Variants in ASIC2 observed in about 807,000 individuals in gnomAD.
ASIC2 encodes acid-sensing ion channel 2.
ASIC2 carries 25 observed loss-of-function variants against 57.3 expected under a neutral mutation model. That is an observed-to-expected ratio of 0.44 (90% CI 0.32 to 0.61). The LOEUF is 0.61. Among genes scored for constraint, ASIC2 ranks in the 20% least tolerant of loss-of-function variants. The pLI is 0.06. For synonymous variants in ASIC2, 319 were observed against 307.5 expected, an observed-to-expected ratio of 1.04 and a Z score of -0.39; for missense variants, 641 against 738.1, an observed-to-expected ratio of 0.87 and a Z score of 1.52.
intron 1 of ASIC2, among the ~76,000 whole-genome samples, chr17:33,397,723 A>C (rs1340527521): frequency 5.3e-5 from 8 of 152,198 alleles, no homozygotes; most frequent in Admixed American, 4.6e-4. Context: ...TCACCCCATC[A>C]GCAAAAGGTC....
At position 33,579,570 on chromosome 17, in the gene ASIC2, G is replaced by C. The variant is rs190321289; in HGVS notation, c.556-467503C>G. On this transcript the variant is annotated intron_variant, in intron 1 of 9. Coordinates refer to the ASIC2 transcript ENST00000359872. ...AAGAATGAAAGGGCAGACCCTACTG[G>C]TGAGTGTTACAGCTCTTAAAGATGG... is the stretch of plus-strand genomic sequence containing the variant. Among the ~76,000 whole-genome samples the C allele has an allele frequency of 2.1e-3, 319 of 152,238 alleles. 1 individual carries two copies. Among genetic ancestry groups the C allele is most frequent in the Middle Eastern group, 3.4e-3 (1 of 294 alleles).
chr17:33,963,599 T>C (rs375641784), intron 1 of ASIC2, among the ~76,000 whole-genome samples: 1 of 151,924 alleles, frequency 6.6e-6, no homozygotes, highest in Non-Finnish European at 1.5e-5. Flanking sequence ...GTGCTTAAAT[T>C]ATGTTATTGT....
intron 1 of ASIC2, among the ~76,000 whole-genome samples, chr17:34,094,624 A>C (rs1301799211): frequency 1.3e-5 from 2 of 152,212 alleles, no homozygotes; most frequent in African/African-American, 2.4e-5. Context: ...GGAGATCATG[A>C]AGCAATTGCT....
At chr17:33,132,596 T>C (rs1386567342) in intron 1 of ASIC2, among the ~76,000 whole-genome samples, 1 of 152,218 alleles carries the variant, frequency 6.6e-6, no homozygotes, top group African/African-American at 2.4e-5. Flanking sequence ...TACATACAGA[T>C]GCATGTGCGC....
chr17:33,463,900 T>C (rs1342878123), intron 1 of ASIC2, among the ~76,000 whole-genome samples: 2 of 152,208 alleles, frequency 1.3e-5, no homozygotes, highest in African/African-American at 4.8e-5. Context: ...GTACAGCACC[T>C]GGCACATAGG....
At chr17:33,462,267 C>T (rs1912662502) in intron 1 of ASIC2, among the ~76,000 whole-genome samples, 1 of 152,190 alleles carries the variant, frequency 6.6e-6, no homozygotes, top group African/African-American at 2.4e-5. Context: ...TTTAGCTGGG[C>T]CCAGTGACCA....
At chr17:34,076,386 C>T (rs1909654617) in intron 1 of ASIC2, among the ~76,000 whole-genome samples, 1 of 152,126 alleles carries the variant, frequency 6.6e-6, no homozygotes, top group South Asian at 2.1e-4. Flanking sequence ...GCCCTCTTCA[C>T]TCACTAGCAC....
chr17:33,310,961 C>G (rs1248951193), intron 1 of ASIC2, among the ~76,000 whole-genome samples: 2 of 152,140 alleles, frequency 1.3e-5, no homozygotes, highest in Admixed American at 1.3e-4. Context: ...AATCACAAAG[C>G]CTGATTTTAC....
chr17:33,665,428 G>A (rs1234678404), intron 1 of ASIC2, among the ~76,000 whole-genome samples: 2 of 152,124 alleles, frequency 1.3e-5, no homozygotes, highest in Non-Finnish European at 2.9e-5. Flanking sequence ...GGTAGGAATG[G>A]CGTACCCATG....
chr17:34,031,107 C>A (rs1364981596), intron 1 of ASIC2, among the ~76,000 whole-genome samples: 3 of 152,140 alleles, frequency 2.0e-5, no homozygotes, highest in Non-Finnish European at 4.4e-5. Flanking sequence ...CTGGGAGGCA[C>A]CCCCCAGTAG....
chr17:33,800,073 G>T (rs1912087254), intron 1 of ASIC2, among the ~76,000 whole-genome samples: 1 of 152,104 alleles, frequency 6.6e-6, no homozygotes. Flanking sequence ...TATGACCTTA[G>T]CTGGTCCTCC....
chr17:33,122,352 T>C (rs2092305852), intron 1 of ASIC2, among the ~76,000 whole-genome samples: 1 of 152,084 alleles, frequency 6.6e-6, no homozygotes, highest in African/African-American at 2.4e-5. Context: ...CGATCACCCA[T>C]GACATGATGG....
chr17:34,045,828 C>T lies in ASIC2; in HGVS notation c.555+110150G>A, dbSNP rs1464910199. Among the ~76,000 whole-genome samples, 3 of 152,320 alleles carry T rather than the reference C, an allele frequency of 2.0e-5. No homozygotes were observed. In the East Asian group the frequency reaches 5.8e-4, roughly 29 times the overall value. On this transcript the variant is annotated intron_variant, in intron 1 of 9. Transcript: ENST00000359872. ...TGACAATTTCTTATAACCCTGTATA[C>T]AGACACCATTCCTCGCATTAAAAGA...
intron 1 of ASIC2, among the ~76,000 whole-genome samples, chr17:33,884,583 T>C (rs2785062): frequency 0.89 from 135,811 of 152,136 alleles, 60,848 homozygotes; most frequent in African/African-American, 0.97. Flanking sequence ...TGGAGCAGCT[T>C]CAGCATTTTG....
At chr17:33,610,592 A>G (rs1352637025) in intron 1 of ASIC2, among the ~76,000 whole-genome samples, 1 of 152,058 alleles carries the variant, frequency 6.6e-6, no homozygotes, top group Admixed American at 6.6e-5. Flanking sequence ...CACCATACAA[A>G]TGATGCCTAG....
intron 1 of ASIC2, among the ~76,000 whole-genome samples, chr17:33,209,708 C>T (rs1221331503): frequency 6.6e-6 from 1 of 152,182 alleles, no homozygotes; most frequent in Non-Finnish European, 1.5e-5. Context: ...AAGTTAAGTG[C>T]CCCATAAATA....
At chr17:33,941,300 G>A (rs1916187891) in intron 1 of ASIC2, among the ~76,000 whole-genome samples, 1 of 152,186 alleles carries the variant, frequency 6.6e-6, no homozygotes, top group African/African-American at 2.4e-5. Flanking sequence ...GACGCCCTCA[G>A]AAGAAAAGCT....
chr17:34,001,938 C>T (rs781318423), intron 1 of ASIC2: 3 of 152,200 alleles, frequency 2.0e-5, no homozygotes, highest in Admixed American at 6.5e-5. Context: ...GTTGACATTA[C>T]TTCTATGTGT....
At chr17:33,493,208 C>T (rs938370681) in intron 1 of ASIC2, among the ~76,000 whole-genome samples, 14 of 152,154 alleles carry the variant, frequency 9.2e-5, no homozygotes, top group South Asian at 4.1e-4. Flanking sequence ...TCAGCCACAC[C>T]GAAGGCTGGG....
Sources: gnomAD v4.1 joint callset for allele counts (sites outside exome capture counted in the v4.1 genomes callset) on GRCh38, gnomAD v4.1.1 for gene constraint, MANE v1.5 for transcripts, NCBI Gene and HGNC (gene_info 2026-07-23, HGNC 2026-07-21) for gene names.